The following CADM1 variants were observed in gnomAD, a reference collection of about 807,000 sequenced individuals.
CADM1 encodes cell adhesion molecule 1.
A neutral mutation model predicts 53.1 loss-of-function variants in CADM1; 15 were observed. The ratio of observed to expected loss-of-function variants is 0.28; its 90% CI spans 0.19 to 0.44. The LOEUF is 0.44. CADM1 is among the 20% of genes least tolerant of loss of function. The pLI, the probability that CADM1 is intolerant of heterozygous loss-of-function variation, is 1.00. For missense variants in CADM1, 434 were observed against 611.3 expected (o/e 0.71, Z 3.06); for synonymous variants, 281 against 243.0 (o/e 1.16, Z -1.45).
chr11:115,285,541 T>C (rs1242469682), intron 1 of CADM1, among the ~76,000 whole-genome samples: 1 of 152,198 alleles, frequency 6.6e-6, no homozygotes. Context: ...GTGGTGTCTA[T>C]GATGCAAGTT....
At chr11:115,230,513 G>C (rs577146128) in intron 4 of CADM1, among the ~76,000 whole-genome samples, 1 of 152,302 alleles carries the variant, frequency 6.6e-6, no homozygotes, top group Admixed American at 6.5e-5. Context: ...CTTTGAAAAG[G>C]AAGGAATCTC....
chr11:115,212,006 C>T (rs1266953266), intron 7 of CADM1, among the ~76,000 whole-genome samples: 1 of 152,200 alleles, frequency 6.6e-6, no homozygotes, highest in Non-Finnish European at 1.5e-5. Context: ...ACTGGGGCAA[C>T]TGTTGTCCTT....
chr11:115,221,336 A>G (rs1168499594), intron 5 of CADM1, among the ~76,000 whole-genome samples: 1 of 152,240 alleles, frequency 6.6e-6, no homozygotes, highest in African/African-American at 2.4e-5. Flanking sequence ...TAAACCCTGT[A>G]AAAGACATTT....
In CADM1 at chr11:115,468,804, T is replaced by C. The variant is rs185985992; in HGVS notation, c.124+35467A>G. On this transcript the variant is annotated intron_variant, in intron 1 of 11. Coordinates refer to ENST00000331581, the MANE Select transcript of CADM1 (RefSeq NM_001301043.2). The stretch of plus-strand genomic sequence containing the variant: ...TAAAGACATACCTGAGACTAGGTAA[T>C]TTATAAAGAAAAAGAGGTATAATGG... Among the ~76,000 whole-genome samples, 317 of 152,290 alleles carry C rather than the reference T, an allele frequency of 2.1e-3. 2 individuals carry two copies. The highest frequency in any genetic ancestry group is 6.3e-3 in the African/African-American group (262 of 41,544).
chr11:115,443,786 G>C (rs1948384126), intron 1 of CADM1, among the ~76,000 whole-genome samples: 1 of 152,194 alleles, frequency 6.6e-6, no homozygotes, highest in African/African-American at 2.4e-5. Flanking sequence ...CAAATAGAAA[G>C]GTATCCACAG....
intron 1 of CADM1, among the ~76,000 whole-genome samples, chr11:115,311,204 G>C (rs1250766883): frequency 6.6e-6 from 1 of 152,012 alleles, no homozygotes; most frequent in African/African-American, 2.4e-5. Context: ...GTAAAATCAA[G>C]TAAAACAACA....
At chr11:115,417,155 T>G (rs988749054) in intron 1 of CADM1, among the ~76,000 whole-genome samples, 8 of 152,194 alleles carry the variant, frequency 5.3e-5, no homozygotes, top group Admixed American at 2.0e-4. Context: ...TTGAAAACTG[T>G]CTGGCTGGGG....
At chr11:115,404,253 G>C (rs1471047508) in intron 1 of CADM1, among the ~76,000 whole-genome samples, 1 of 146,210 alleles carries the variant, frequency 6.8e-6, no homozygotes, top group African/African-American at 2.5e-5. Flanking sequence ...TTGAACCCAG[G>C]AGGTGGAGGT....
chr11:115,200,031 C>A (rs1467449210), intron 8 of CADM1, among the ~76,000 whole-genome samples: 2 of 152,192 alleles, frequency 1.3e-5, no homozygotes, highest in Non-Finnish European at 2.9e-5. Flanking sequence ...AGTTGGCATG[C>A]TTTCCAGAGG....
chr11:115,266,239 C>T (rs1390555709), intron 1 of CADM1, among the ~76,000 whole-genome samples: 1 of 152,232 alleles, frequency 6.6e-6, no homozygotes, highest in African/African-American at 2.4e-5. Flanking sequence ...GGTAATATTA[C>T]TCAGCCATGT....
At chr11:115,407,011 TG>T (rs1947332817) in intron 1 of CADM1, among the ~76,000 whole-genome samples, 1 of 151,816 alleles carries the variant, frequency 6.6e-6, no homozygotes, top group Admixed American at 6.6e-5. Context: ...AGTTGAAGCA[TG>T]GTAAAATGTA....
At chr11:115,221,672 G>A (rs1301768212) in intron 5 of CADM1, among the ~76,000 whole-genome samples, 1 of 152,176 alleles carries the variant, frequency 6.6e-6, no homozygotes, top group Non-Finnish European at 1.5e-5. Flanking sequence ...AGTTTCCTAT[G>A]TAAATGAAAA....
intron 1 of CADM1, among the ~76,000 whole-genome samples, chr11:115,310,761 T>C (rs753892678): frequency 7.9e-5 from 12 of 152,148 alleles, no homozygotes; most frequent in Non-Finnish European, 1.5e-4. Flanking sequence ...ACCTCATCAC[T>C]AGATCTTAGA....
At chr11:115,382,830 T>G (rs750407474) in intron 1 of CADM1, among the ~76,000 whole-genome samples, 1 of 152,110 alleles carries the variant, frequency 6.6e-6, no homozygotes, top group Non-Finnish European at 1.5e-5. Flanking sequence ...GCAAGTATCA[T>G]CCTTAGAGAT....
intron 10 of CADM1, among the ~76,000 whole-genome samples, chr11:115,187,109 T>C (rs186199724): frequency 1.3e-5 from 2 of 152,382 alleles, no homozygotes; most frequent in East Asian, 1.9e-4. Flanking sequence ...TGCCACACTT[T>C]AGATTTATGG....
chr11:115,424,631 A>G (rs116282238), intron 1 of CADM1, among the ~76,000 whole-genome samples: 2,553 of 152,108 alleles, frequency 0.017, 68 homozygotes, highest in African/African-American at 0.058. Flanking sequence ...AAGTTCAACA[A>G]TTCTCCAGCC....
At chr11:115,415,696 C>T (rs967745947) in intron 1 of CADM1, among the ~76,000 whole-genome samples, 1 of 151,662 alleles carries the variant, frequency 6.6e-6, no homozygotes, top group African/African-American at 2.4e-5. Flanking sequence ...TTTAGCCAGA[C>T]ATGGTGATGT....
At chr11:115,452,135 G>A (rs954350391) in intron 1 of CADM1, among the ~76,000 whole-genome samples, 6 of 96,962 alleles carry the variant, frequency 6.2e-5, no homozygotes, top group East Asian at 3.3e-4. Context: ...AAGGTTTGGC[G>A]GGGCCAGCGG....
At chr11:115,269,412 G>A (rs1367038322) in intron 1 of CADM1, among the ~76,000 whole-genome samples, 4 of 152,166 alleles carry the variant, frequency 2.6e-5, no homozygotes, top group Non-Finnish European at 4.4e-5. Flanking sequence ...CCTCTTTGTA[G>A]GCCCTCCATT....
Sources: gnomAD v4.1 joint callset for allele counts (sites outside exome capture counted in the v4.1 genomes callset) on GRCh38, gnomAD v4.1.1 for gene constraint, MANE v1.5 for transcripts, NCBI Gene and HGNC (gene_info 2026-07-23, HGNC 2026-07-21) for gene names.